GALNTL6: variants seen among roughly 807,000 people sequenced by gnomAD.
GALNTL6 encodes the protein polypeptide N-acetylgalactosaminyltransferase like 6.
In GALNTL6, 46 loss-of-function variants were observed where a neutral mutation model predicts 73.7. The ratio of observed to expected loss-of-function variants is 0.62; its 90% CI spans 0.49 to 0.80. The LOEUF is 0.80. Ranked by LOEUF, GALNTL6 falls within the 30% of genes least tolerant of loss-of-function variation. The probability of loss-of-function intolerance (pLI) is 0.00; values close to 1 mark genes in which losing one functional copy is unlikely to be tolerated. For missense variants in GALNTL6, 604 were observed against 755.0 expected, an observed-to-expected ratio of 0.80 and a Z score of 2.34; for synonymous variants, 259 against 263.7, an observed-to-expected ratio of 0.98 and a Z score of 0.17.
At chr4:172,775,799 T>C (rs982671641) in intron 5 of GALNTL6, among the ~76,000 whole-genome samples, 10 of 152,170 alleles carry the variant, frequency 6.6e-5, no homozygotes, top group Non-Finnish European at 1.2e-4. Context: ...CTCATCTTGA[T>C]GGACTTGAGG....
At chr4:172,041,809 G>A (rs1742092026) in intron 2 of GALNTL6, among the ~76,000 whole-genome samples, 1 of 151,984 alleles carries the variant, frequency 6.6e-6, no homozygotes, top group African/African-American at 2.4e-5. Context: ...ATTGAGATGT[G>A]AAGTTTTTGT....
chr4:172,440,059 A>G (rs1408716260), intron 5 of GALNTL6, among the ~76,000 whole-genome samples: 2 of 152,088 alleles, frequency 1.3e-5, no homozygotes, highest in Non-Finnish European at 2.9e-5. Flanking sequence ...AGAGGAGTGC[A>G]AATGGTACAG....
intron 5 of GALNTL6, among the ~76,000 whole-genome samples, chr4:172,546,806 A>ATACGTACATATATG (rs1554034205): frequency 1.0e-5 from 1 of 99,090 alleles, no homozygotes; most frequent in Non-Finnish European, 2.0e-5. Context: ...ACGTATATAT[A>ATACGTACATATATG]CGTATATATA....
chr4:172,480,534 C>CG (rs2111480755), intron 5 of GALNTL6, among the ~76,000 whole-genome samples: 1 of 152,212 alleles, frequency 6.6e-6, no homozygotes, highest in South Asian at 2.1e-4. Context: ...AGGGATCATA[C>CG]AGATAAAAAG....
intron 2 of GALNTL6, among the ~76,000 whole-genome samples, chr4:171,910,117 A>G (rs1176586885): frequency 5.3e-5 from 8 of 152,168 alleles, no homozygotes; most frequent in Non-Finnish European, 1.2e-4. Context: ...CTTAGCTAGC[A>G]TAAAGCTTTT....
chr4:172,167,779 A>G (rs1388710142), intron 2 of GALNTL6, among the ~76,000 whole-genome samples: 2 of 144,248 alleles, frequency 1.4e-5, no homozygotes, highest in Non-Finnish European at 3.0e-5. Flanking sequence ...TAACAAGGTG[A>G]AACCCCGTCT....
At chr4:172,278,984 A>T (rs1475643082) in intron 3 of GALNTL6, among the ~76,000 whole-genome samples, 1 of 152,186 alleles carries the variant, frequency 6.6e-6, no homozygotes, top group Non-Finnish European at 1.5e-5. Context: ...AGTCTTTTTA[A>T]CAAATGGTTT....
chr4:172,305,796 G>A (rs1254508425), intron 3 of GALNTL6, among the ~76,000 whole-genome samples: 1 of 152,130 alleles, frequency 6.6e-6, no homozygotes, highest in Non-Finnish European at 1.5e-5. Flanking sequence ...GGAATGTCTA[G>A]TATGCCATAA....
intron 5 of GALNTL6, among the ~76,000 whole-genome samples, chr4:172,798,606 C>G (rs1405293118): frequency 2.0e-5 from 3 of 152,328 alleles, no homozygotes; most frequent in South Asian, 2.1e-4. Context: ...TCCAGTACTT[C>G]TTTATAGCAA....
intron 2 of GALNTL6, among the ~76,000 whole-genome samples, chr4:171,943,836 C>T (rs1738623773): frequency 6.6e-6 from 1 of 152,118 alleles, no homozygotes; most frequent in East Asian, 1.9e-4. Context: ...GATTTTCTTC[C>T]TACGGGTAGG....
chr4:172,538,739 TC>T (rs1735441756), intron 5 of GALNTL6, among the ~76,000 whole-genome samples: 1 of 152,168 alleles, frequency 6.6e-6, no homozygotes, highest in South Asian at 2.1e-4. Context: ...ACATTTTACT[TC>T]TAAGAATGGG....
intron 2 of GALNTL6, among the ~76,000 whole-genome samples, chr4:172,034,535 C>T (rs1741877829): frequency 6.6e-6 from 1 of 151,172 alleles, no homozygotes; most frequent in Admixed American, 6.6e-5. Flanking sequence ...TATGAATTTT[C>T]TTTGGCAAGT....
At chr4:172,319,327 T>C (rs993958102) in intron 4 of GALNTL6, among the ~76,000 whole-genome samples, 3 of 152,172 alleles carry the variant, frequency 2.0e-5, no homozygotes, top group African/African-American at 4.8e-5. Flanking sequence ...AATTAAAAAA[T>C]TAAAGTAGAT....
At chr4:172,156,177 G>A (rs1734254018) in intron 2 of GALNTL6, among the ~76,000 whole-genome samples, 2 of 152,048 alleles carry the variant, frequency 1.3e-5, no homozygotes, top group African/African-American at 4.8e-5. Flanking sequence ...AGTCTGAAGT[G>A]ACTGCTACGT....
intron 2 of GALNTL6, among the ~76,000 whole-genome samples, chr4:172,227,528 A>C (rs1736909870): frequency 6.6e-6 from 1 of 152,116 alleles, no homozygotes; most frequent in Admixed American, 6.6e-5. Flanking sequence ...CCCCTTATTA[A>C]AAATGGTCAA....
intron 5 of GALNTL6, among the ~76,000 whole-genome samples, chr4:172,391,152 G>A (rs1386097538): frequency 6.6e-6 from 1 of 152,174 alleles, no homozygotes; most frequent in Non-Finnish European, 1.5e-5. Context: ...AAATACCACA[G>A]ACTGAATAAT....
intron 5 of GALNTL6, among the ~76,000 whole-genome samples, chr4:172,575,510 A>G (rs2110959558): frequency 6.6e-6 from 1 of 152,324 alleles, no homozygotes; most frequent in Non-Finnish European, 1.5e-5. Context: ...TCATTTGTCT[A>G]GCAAGAGATA....
intron 5 of GALNTL6, among the ~76,000 whole-genome samples, chr4:172,469,347 T>C (rs1732954639): frequency 6.6e-6 from 1 of 152,104 alleles, no homozygotes; most frequent in Admixed American, 6.6e-5. Context: ...CCCTCATGTC[T>C]GAAACCCCAG....
intron 2 of GALNTL6, among the ~76,000 whole-genome samples, chr4:172,103,171 C>A (rs866773104): frequency 9.9e-5 from 15 of 152,278 alleles, no homozygotes; most frequent in African/African-American, 3.4e-4. Flanking sequence ...ATGGGGAGGC[C>A]AGCTTTCCCT....
Sources: allele counts gnomAD v4.1 joint callset (sites outside exome capture counted in the v4.1 genomes callset), GRCh38; gene constraint gnomAD v4.1.1; transcripts MANE v1.5; gene names NCBI Gene and HGNC (gene_info 2026-07-23, HGNC 2026-07-21).